SEMA3E: variants seen among roughly 807,000 people sequenced by gnomAD.
SEMA3E encodes semaphorin 3E, also known as semaphorin-3E.
Under a neutral mutation model 93.6 loss-of-function variants are expected in SEMA3E, and 49 were observed. The observed-to-expected ratio is 0.52, with a 90% CI of 0.42 to 0.66. The LOEUF (loss-of-function observed/expected upper bound fraction) is 0.66, where lower values mean the gene tolerates loss of function less well. SEMA3E is among the 30% of genes least tolerant of loss of function. SEMA3E has a pLI of 0.00. For synonymous variants in SEMA3E, 363 were observed against 330.7 expected (o/e 1.10, Z -1.06); for missense variants, 906 against 964.8 (o/e 0.94, Z 0.81).
rs548282986 is a variant in SEMA3E at position 83,647,550 on chromosome 7, G to T, written c.115+878C>A. On this transcript the variant is annotated intron_variant, in intron 1 of 16. Transcript: ENST00000643230. ...CAGCAAAGTCACTTTCTCTGAGCAT[G>T]GTTTTGTTTATTATTTGTTTGTTTA... 1.2e-4 allele frequency among the ~76,000 whole-genome samples: 18 copies of T among 152,176 alleles called. No individual in the cohort carries two copies. In the South Asian group the frequency reaches 3.7e-3, roughly 32 times the overall value.
intron 4 of SEMA3E, among the ~76,000 whole-genome samples, chr7:83,428,189 T>C (rs1461914752): frequency 2.0e-5 from 3 of 152,228 alleles, no homozygotes; most frequent in African/African-American, 7.2e-5. Context: ...GTGTGAGTCA[T>C]TGCACAGCAG....
At chr7:83,538,014 G>C (rs1057084852) in intron 1 of SEMA3E, among the ~76,000 whole-genome samples, 2 of 151,988 alleles carry the variant, frequency 1.3e-5, no homozygotes, top group Non-Finnish European at 2.9e-5. Flanking sequence ...TACTTGGCAT[G>C]TTTTCAAGGT....
intron 1 of SEMA3E, among the ~76,000 whole-genome samples, chr7:83,539,465 C>T (rs1213291734): frequency 6.6e-6 from 1 of 152,072 alleles, no homozygotes; most frequent in Non-Finnish European, 1.5e-5. Context: ...CAATTTGTCC[C>T]AATTTTTGAT....
At chr7:83,641,428 G>A (rs1260186284) in intron 1 of SEMA3E, 4 of 981,536 alleles carry the variant, frequency 4.1e-6, no homozygotes, top group African/African-American at 1.8e-5. Flanking sequence ...ACACTGTTTA[G>A]TTTAACTTTA....
At chr7:83,475,518 C>A (rs1378216375) in intron 2 of SEMA3E, among the ~76,000 whole-genome samples, 1 of 152,054 alleles carries the variant, frequency 6.6e-6, no homozygotes, top group Non-Finnish European at 1.5e-5. Context: ...TTGGGAGTTT[C>A]CTAAGCTTGG....
intron 1 of SEMA3E, among the ~76,000 whole-genome samples, chr7:83,548,038 A>T (rs1337766658): frequency 1.3e-5 from 2 of 152,090 alleles, no homozygotes; most frequent in Non-Finnish European, 2.9e-5. Context: ...AGTGAGACCA[A>T]GGTGGGCACA....
intron 1 of SEMA3E, among the ~76,000 whole-genome samples, chr7:83,586,481 C>A (rs1792630021): frequency 1.3e-5 from 2 of 151,832 alleles, no homozygotes; most frequent in African/African-American, 4.8e-5. Context: ...GCATAGCTTT[C>A]ATCAGATCTC....
intron 1 of SEMA3E, among the ~76,000 whole-genome samples, chr7:83,586,929 T>G (rs947151663): frequency 5.3e-5 from 8 of 152,162 alleles, no homozygotes; most frequent in African/African-American, 1.9e-4. Flanking sequence ...TCCTTGTTTC[T>G]TTCAGCATAG....
At chr7:83,422,554 A>T (rs1788686665) in intron 4 of SEMA3E, among the ~76,000 whole-genome samples, 1 of 152,204 alleles carries the variant, frequency 6.6e-6, no homozygotes. Context: ...GCCACTTTAT[A>T]CAATATAGAT....
chr7:83,591,213 A>G (rs1329554894), intron 1 of SEMA3E, among the ~76,000 whole-genome samples: 1 of 151,798 alleles, frequency 6.6e-6, no homozygotes, highest in African/African-American at 2.4e-5. Flanking sequence ...AGCAAAATAT[A>G]AACACACTCT....
intron 4 of SEMA3E, among the ~76,000 whole-genome samples, chr7:83,424,246 T>G (rs982159382): frequency 6.6e-6 from 1 of 152,218 alleles, no homozygotes; most frequent in Non-Finnish European, 1.5e-5. Flanking sequence ...TTTTGAAGAC[T>G]ATAATATTTG....
chr7:83,524,173 T>C (rs1562818554), intron 1 of SEMA3E, among the ~76,000 whole-genome samples: 1 of 152,148 alleles, frequency 6.6e-6, no homozygotes, highest in Non-Finnish European at 1.5e-5. Flanking sequence ...CCTTGTAAGA[T>C]AGTTTTCTTT....
At chr7:83,580,779 AG>A (rs753139066) in intron 1 of SEMA3E, among the ~76,000 whole-genome samples, 4 of 151,988 alleles carry the variant, frequency 2.6e-5, no homozygotes, top group Admixed American at 6.6e-5. Flanking sequence ...GAAGGTAGAT[AG>A]GGTCTATATT....
Position 83,418,496 on chromosome 7 carries a change from C to G in SEMA3E, c.457-13G>C. 1 of 1,574,592 alleles carries G rather than the reference C, an allele frequency of 6.4e-7. No homozygotes were observed. Among genetic ancestry groups the G allele is most frequent in the East Asian group, 2.2e-5 (1 of 44,588 alleles). ...GAAACAGAGGATCCTTGAAAGAAAACCAGAAAAATCATTATGAATATGCCT... is the reference window on the plus strand; with the variant it reads ...GAAACAGAGGATCCTTGAAAGAAAAGCAGAAAAATCATTATGAATATGCCT... On this transcript the variant is annotated splice_polypyrimidine_tract_variant and intron_variant, in intron 4 of 16. Transcript: ENST00000643230.
chr7:83,575,469 C>T (rs1374746680), intron 1 of SEMA3E, among the ~76,000 whole-genome samples: 4 of 152,092 alleles, frequency 2.6e-5, no homozygotes, highest in East Asian at 1.9e-4. Flanking sequence ...TTTGATTCTA[C>T]ATTAAATTCA....
chr7:83,594,496 T>G (rs913947851), intron 1 of SEMA3E, among the ~76,000 whole-genome samples: 1 of 152,080 alleles, frequency 6.6e-6, no homozygotes, highest in Admixed American at 6.6e-5. Flanking sequence ...ACCTACTGGG[T>G]CTCCCCCAGA....
chr7:83,640,676 T>C (rs1205601663), intron 1 of SEMA3E, among the ~76,000 whole-genome samples: 3 of 152,172 alleles, frequency 2.0e-5, no homozygotes, highest in African/African-American at 4.8e-5. Context: ...ATGAAACAAA[T>C]ATTGAAGGTA....
At chr7:83,462,962 A>T (rs112985632) in intron 4 of SEMA3E, among the ~76,000 whole-genome samples, 2 of 95,312 alleles carry the variant, frequency 2.1e-5, no homozygotes, top group East Asian at 5.4e-4. Flanking sequence ...GCCTCTCTTC[A>T]CTTTCACTTG....
At chr7:83,399,554 G>T (rs1788195993) in intron 11 of SEMA3E, among the ~76,000 whole-genome samples, 1 of 152,174 alleles carries the variant, frequency 6.6e-6, no homozygotes, top group Admixed American at 6.5e-5. Flanking sequence ...AGTCAGTAAT[G>T]GAGCTGGGAA....
Sources: gnomAD v4.1 joint callset for allele counts (sites outside exome capture counted in the v4.1 genomes callset) on GRCh38, gnomAD v4.1.1 for gene constraint, MANE v1.5 for transcripts, NCBI Gene and HGNC (gene_info 2026-07-23, HGNC 2026-07-21) for gene names.